Variants in CRB1 observed in about 807,000 individuals in gnomAD.
CRB1 encodes protein crumbs homolog 1.
A neutral mutation model predicts 120.0 loss-of-function variants in CRB1; 83 were observed. The ratio of observed to expected loss-of-function variants is 0.69; its 90% confidence interval spans 0.58 to 0.83. The LOEUF is 0.83. CRB1 is among the 40% of genes least tolerant of loss of function. The probability of loss-of-function intolerance (pLI) is 0.00; values close to 1 mark genes in which losing one functional copy is unlikely to be tolerated. For synonymous variants in CRB1, 625 were observed against 612.5 expected, an observed-to-expected ratio of 1.02 and a Z score of -0.30; for missense variants, 1,699 against 1,687.6, an observed-to-expected ratio of 1.01 and a Z score of -0.12.
At chr1:197,261,608 G>T in the CRB1 span, among the ~76,000 whole-genome samples, 1 of 152,076 alleles carries the variant, frequency 6.6e-6, no homozygotes. Flanking sequence ...AGCATAGAGT[G>T]GTATAAAACG....
At position 197,477,830 on chromosome 1, in the gene CRB1, T is replaced by G. The variant is rs1468431195; in HGVS notation, c.4172T>G (p.Val1391Gly). The G allele has an allele frequency of 6.2e-7, 1 of 1,613,614 alleles. No individual in the cohort carries two copies. Among genetic ancestry groups the G allele is most frequent in the African/African-American group, 1.3e-5 (1 of 74,812 alleles). The change falls in exon 12 of 12, where the codon GTG (valine) becomes GGG (glycine). Residue 1391 changes from valine to glycine, a missense_variant. Physicochemically the swap from Val to Gly is moderately radical, Grantham distance 109. Transcript: ENST00000367400. ...PSRQEKEGSR[V>G]EMWNLMPPPA... ...CGTCAGGAGAAGGAGGGCTCCCGAGTGGAAATGTGGAACTTGATGCCACCC... is the reference window on the plus strand; with the variant it reads ...CGTCAGGAGAAGGAGGGCTCCCGAGGGGAAATGTGGAACTTGATGCCACCC...
intron 11 of CRB1, among the ~76,000 whole-genome samples, chr1:197,475,995 C>T (rs745576606): frequency 1.2e-4 from 19 of 152,156 alleles, no homozygotes; most frequent in Non-Finnish European, 2.2e-4. Flanking sequence ...CATCAACCTC[C>T]GCATCTCGGG....
At chr1:197,337,196 G>T (rs140445374) in intron 2 of CRB1, among the ~76,000 whole-genome samples, 1 of 152,288 alleles carries the variant, frequency 6.6e-6, no homozygotes, top group East Asian at 1.9e-4. Flanking sequence ...TCTACCATGT[G>T]AGGACATAGA....
At chr1:197,338,446 G>T (rs948133345) in intron 2 of CRB1, among the ~76,000 whole-genome samples, 2 of 152,120 alleles carry the variant, frequency 1.3e-5, no homozygotes, top group Non-Finnish European at 2.9e-5. Flanking sequence ...TAGATACAAG[G>T]AAGTAGGAGA....
intron 5 of CRB1, among the ~76,000 whole-genome samples, chr1:197,380,227 G>A (rs888279314): frequency 2.0e-5 from 3 of 152,122 alleles, no homozygotes; most frequent in Non-Finnish European, 4.4e-5. Context: ...TCATTTTTGG[G>A]GTGGGAGGTT....
intron 11 of CRB1, among the ~76,000 whole-genome samples, chr1:197,476,647 A>T (rs543488733): frequency 3.9e-5 from 6 of 152,258 alleles, no homozygotes; most frequent in Admixed American, 6.5e-5. Context: ...CACAGGGGAC[A>T]ATAAAAAGAG....
At chr1:197,332,259 ATAC>A (rs1459364216) in intron 2 of CRB1, among the ~76,000 whole-genome samples, 2 of 152,198 alleles carry the variant, frequency 1.3e-5, no homozygotes, top group African/African-American at 4.8e-5. Flanking sequence ...GAATTCATTT[ATAC>A]TGTAGGTTGT....
intron 5 of CRB1, among the ~76,000 whole-genome samples, chr1:197,408,052 A>C (rs1444043702): frequency 6.6e-6 from 1 of 152,202 alleles, no homozygotes; most frequent in Admixed American, 6.5e-5. Flanking sequence ...GTACACTAGG[A>C]AGTAAACATA....
At chr1:197,219,880 G>A in the CRB1 span, among the ~76,000 whole-genome samples, 1 of 152,154 alleles carries the variant, frequency 6.6e-6, no homozygotes. Context: ...CTATCTCTGT[G>A]TCAGTGGCAC....
At chr1:197,252,568 A>ATGTG in the CRB1 span, among the ~76,000 whole-genome samples, 2 of 46,898 alleles carry the variant, frequency 4.3e-5, no homozygotes, top group African/African-American at 1.2e-4. Flanking sequence ...ATATATATAT[A>ATGTG]TATATATATA....
At chr1:197,284,543 A>G (rs994541992) in intron 1 of CRB1, among the ~76,000 whole-genome samples, 8 of 152,040 alleles carry the variant, frequency 5.3e-5, no homozygotes, top group East Asian at 3.9e-4. Context: ...TGAGTTACAC[A>G]TGCTTAGTCA....
At chr1:197,203,617 G>A in the CRB1 span, among the ~76,000 whole-genome samples, 5 of 152,134 alleles carry the variant, frequency 3.3e-5, no homozygotes, top group Non-Finnish European at 5.9e-5. Flanking sequence ...GAGCCATGGC[G>A]ACTGGCCTAC....
At chr1:197,406,381 G>A (rs997429725) in intron 5 of CRB1, among the ~76,000 whole-genome samples, 8 of 152,082 alleles carry the variant, frequency 5.3e-5, no homozygotes, top group African/African-American at 1.9e-4. Context: ...AAGGCAGCAT[G>A]CTCGTTAAGA....
At chr1:197,235,205 A>G in the CRB1 span, among the ~76,000 whole-genome samples, 1 of 152,144 alleles carries the variant, frequency 6.6e-6, no homozygotes, top group Admixed American at 6.5e-5. Context: ...TTTACTGTCC[A>G]TGCCATTTTG....
At chr1:197,213,804 C>G in the CRB1 span, among the ~76,000 whole-genome samples, 12 of 151,934 alleles carry the variant, frequency 7.9e-5, no homozygotes, top group African/African-American at 2.4e-4. Context: ...AAAGAAAAGT[C>G]AAAAGGGAAA....
chr1:197,239,642 C>T, the CRB1 span, among the ~76,000 whole-genome samples: 30 of 151,222 alleles, frequency 2.0e-4, no homozygotes, highest in Non-Finnish European at 4.3e-4. Context: ...CTTTGTAAAT[C>T]TGTCTTTTAA....
chr1:197,363,409 G>C (rs774359094), intron 5 of CRB1, among the ~76,000 whole-genome samples: 7 of 151,508 alleles, frequency 4.6e-5, no homozygotes, highest in Non-Finnish European at 8.8e-5. Flanking sequence ...AATTTCTTTT[G>C]GTTTTCCTTT....
chr1:197,414,812 T>A (rs1216542698), intron 5 of CRB1, among the ~76,000 whole-genome samples: 1 of 152,238 alleles, frequency 6.6e-6, no homozygotes, highest in Non-Finnish European at 1.5e-5. Context: ...TTATCTTTTT[T>A]CCCACTTTTA....
At chr1:197,206,407 T>G in the CRB1 span, among the ~76,000 whole-genome samples, 1 of 147,686 alleles carries the variant, frequency 6.8e-6, no homozygotes, top group African/African-American at 2.5e-5. Context: ...GAACTTTCCT[T>G]TTAGCACTGC....
Sources: allele counts gnomAD v4.1 joint callset (sites outside exome capture counted in the v4.1 genomes callset), GRCh38; gene constraint gnomAD v4.1.1; transcripts MANE v1.5; gene names NCBI Gene and HGNC (gene_info 2026-07-23, HGNC 2026-07-21).